Variants in DTD2 observed in about 807,000 individuals in gnomAD.
DTD2 encodes D-aminoacyl-tRNA deacylase 2, also known as D-tyrosyl-tRNA deacylase 2 (putative).
Under a neutral mutation model 15.5 loss-of-function variants are expected in DTD2, and 12 were observed. The observed-to-expected ratio is 0.77, with a 90% CI of 0.50 to 1.25. The LOEUF is 1.25. DTD2 is among the 50% of genes most tolerant of loss of function. The pLI, the probability that DTD2 is intolerant of heterozygous loss-of-function variation, is 0.00. For synonymous variants in DTD2, 59 were observed against 77.3 expected, an observed-to-expected ratio of 0.76 and a Z score of 1.24; for missense variants, 170 against 201.1, an observed-to-expected ratio of 0.85 and a Z score of 0.93.
chr14:31,454,470 G>T (rs2032073485), intron 1 of DTD2, among the ~76,000 whole-genome samples: 1 of 152,198 alleles, frequency 6.6e-6, no homozygotes, highest in Non-Finnish European at 1.5e-5. Flanking sequence ...TCGTGCTACT[G>T]AAACAATAGG....
At chr14:31,451,389 C>T (rs181962635) in intron 2 of DTD2, among the ~76,000 whole-genome samples, 173 of 152,190 alleles carry the variant, frequency 1.1e-3, no homozygotes, top group African/African-American at 4.1e-3. Context: ...ACCTCGTGAT[C>T]TGCCCACCTA....
At chr14:31,456,963 A>G (rs1354865680) in intron 1 of DTD2, 2 of 376,632 alleles carry the variant, frequency 5.3e-6, no homozygotes, top group Non-Finnish European at 9.8e-6. Context: ...CGACCAGCAT[A>G]GACCACGAGC....
chr14:31,457,118 G>T, intron 1 of DTD2, 165 bp downstream of exon 1: 1 of 626,634 alleles, frequency 1.6e-6, no homozygotes. Flanking sequence ...GAAAAGACAA[G>T]CGCAGCCAGG....
Position 31,448,150 on chromosome 14 carries a change from G to C in DTD2, c.486C>G (p.Phe162Leu), listed in dbSNP as rs1191924648. 1 of 1,610,022 alleles carries C rather than the reference G, an allele frequency of 6.2e-7. No homozygotes were observed. Among genetic ancestry groups the C allele is most frequent in the East Asian group, 2.2e-5 (1 of 44,832 alleles). Residue 162 changes from phenylalanine to leucine, a missense_variant, in exon 3 of 3, where the codon TTC (phenylalanine) becomes TTG (leucine). Phe to Leu is a conservative substitution (Grantham distance 22). Transcript: ENST00000310850. ...QVLKLDTNGP[F>L]THLIEF ...ATTTTCAAAACTCAATTAAGTGTGTGAATGGTCCGTTGGTGTCCAGCTTTA... is the reference window on the plus strand; with the variant it reads ...ATTTTCAAAACTCAATTAAGTGTGTCAATGGTCCGTTGGTGTCCAGCTTTA...
intron 2 of DTD2, among the ~76,000 whole-genome samples, chr14:31,448,868 C>CTGCT (rs911812940): frequency 8.4e-4 from 128 of 152,102 alleles, no homozygotes; most frequent in African/African-American, 2.5e-3. Context: ...ACACCAAATT[C>CTGCT]TGCTTGCTTG....
rs2032112670 is a variant in DTD2, at chr14:31,457,467, G to A, written c.-74C>T. The stretch of plus-strand genomic sequence containing the variant: ...GGCCCCTCCCTCGACGCGCTGGCGG[G>A]GCAGACGAGGCGGGGCACGACGAAG... On this transcript the variant is annotated 5_prime_UTR_variant, in exon 1 of 3. Coordinates refer to ENST00000310850, the MANE Select transcript of DTD2 (RefSeq NM_080664.3). 2 of 1,159,230 alleles carry A rather than the reference G, an allele frequency of 1.7e-6. No individual in the cohort carries two copies. Among genetic ancestry groups the A allele is most frequent in the Non-Finnish European group, 2.3e-6 (2 of 856,388 alleles). The allele number at this position is 1,159,230 out of a possible 1,614,324, so 71.8% of individuals were successfully genotyped here.
rs757415854 is a variant in DTD2, at chr14:31,457,372, G to A, written c.22C>T (p.Pro8Ser). The change falls in exon 1 of 3, where the codon CCT becomes TCT. Residue 8 changes from proline to serine, a missense_variant. Physicochemically the swap from Pro to Ser is moderately conservative, Grantham distance 74. Coordinates refer to ENST00000310850, the MANE Select transcript of DTD2 (RefSeq NM_080664.3). ...TGCTGTAGGAGCGCCCGGGCCTGAG[G>A]AATCCGGCTACCCTCAGCCATGGCT... is the stretch of plus-strand genomic sequence containing the variant. MAEGSRI[P>S]QARALLQQCL... is the part of the protein sequence containing the mutation. 2.5e-6 allele frequency: 4 copies of A among 1,568,826 alleles called. No individual in the cohort carries two copies. The highest frequency in any genetic ancestry group is 3.5e-6 in the Non-Finnish European group (4 of 1,157,870).
Position 31,448,050 on chromosome 14 carries a change from A to G in DTD2, c.*79T>C, listed in dbSNP as rs2139358967. ...AAAATGCTGAAGATTAGTATATTCAAGATTAAGGGGAAGAAAATCTAATTA... is the reference window on the plus strand; with the variant it reads ...AAAATGCTGAAGATTAGTATATTCAGGATTAAGGGGAAGAAAATCTAATTA... On this transcript the variant is annotated 3_prime_UTR_variant, in exon 3 of 3. Coordinates refer to ENST00000310850, the MANE Select transcript of DTD2 (RefSeq NM_080664.3). The G allele has an allele frequency of 7.1e-6, 9 of 1,267,702 alleles. No individual in the cohort carries two copies. Among genetic ancestry groups the G allele is most frequent in the East Asian group, 2.3e-5 (1 of 42,870 alleles). The allele number at this position is 1,267,702 out of a possible 1,614,324, so 78.5% of individuals were successfully genotyped here.
Position 31,446,922 on chromosome 14 carries a change from C to G in DTD2, c.*1207G>C, listed in dbSNP as rs1470106274. 1.3e-5 allele frequency: 2 copies of G among 152,096 alleles called. No homozygotes were observed. The highest frequency in any genetic ancestry group is 2.9e-5 in the Non-Finnish European group (2 of 68,016). 9.4% of individuals were successfully genotyped at this position (152,096 alleles called of 1,614,324 possible). A position where few individuals can be genotyped will look rare whatever the true frequency, so the allele number is the denominator to read the frequency against. On this transcript the variant is annotated 3_prime_UTR_variant, in exon 3 of 3. Transcript: ENST00000310850. ...TATGAACTAACACTAATTTCATGAA[C>G]CAGTTCTTTAAAAAGCGAAGACAAA...
In DTD2 at chr14:31,447,068, TTAAAG is replaced by T. The variant is rs1395026530; in HGVS notation, c.*1056_*1060del. 2.0e-5 allele frequency: 3 copies of T among 152,198 alleles called. No homozygotes were observed. The highest frequency in any genetic ancestry group is 7.2e-5 in the African/African-American group (3 of 41,466). 9.4% of individuals were successfully genotyped at this position (152,198 alleles called of 1,614,324 possible). ...TTGTTCTTATATCAAGTAAAGATTC[TTAAAG>T]TAATGTAAAACATTTGAATGTCCCT... On this transcript the variant is annotated 3_prime_UTR_variant, in exon 3 of 3. Coordinates refer to ENST00000310850, the MANE Select transcript of DTD2 (RefSeq NM_080664.3).
chr14:31,453,197 C>T, intron 2 of DTD2, 78 bp downstream of exon 2: 1 of 1,445,080 alleles, frequency 6.9e-7, no homozygotes, highest in South Asian at 1.2e-5. Flanking sequence ...CCTTGGCCTC[C>T]CAACGTGTTG....
At chr14:31,450,346 T>C (rs1039765085) in intron 2 of DTD2, among the ~76,000 whole-genome samples, 2 of 152,200 alleles carry the variant, frequency 1.3e-5, no homozygotes, top group African/African-American at 4.8e-5. Context: ...AAACAGGTTA[T>C]CAATCAAGTA....
At chr14:31,451,147 C>CTTTTT (rs1057016355) in intron 2 of DTD2, among the ~76,000 whole-genome samples, 1 of 129,948 alleles carries the variant, frequency 7.7e-6, no homozygotes, top group East Asian at 2.2e-4. Context: ...ACATTATGTT[C>CTTTTT]TTTTTTTTTT....
Position 31,457,331 on chromosome 14 carries a change from C to T in DTD2, c.63G>A (p.Arg21=). ...CCCCATCGGCTGGGCGAATTTGCAG[C>T]CGGGCGTGCAGGCACTGCTGTAGGA... ...RALLQQCLHA[R]LQIRPADGDV... Residue 21 remains arginine, a synonymous_variant, in exon 1 of 3, where the codon CGG becomes CGA. Transcript: ENST00000310850. The T allele has an allele frequency of 6.3e-7, 1 of 1,595,918 alleles. No individual in the cohort carries two copies. Among genetic ancestry groups the T allele is most frequent in the Non-Finnish European group, 8.5e-7 (1 of 1,172,922 alleles).
At chr14:31,452,970 C>T (rs2032055047) in intron 2 of DTD2, 1 of 175,876 alleles carries the variant, frequency 5.7e-6, no homozygotes, top group African/African-American at 2.5e-5. Flanking sequence ...CAGGGTCTCA[C>T]TCTGTTGCCC....
At chr14:31,452,994 G>T in intron 2 of DTD2, 1 of 229,666 alleles carries the variant, frequency 4.4e-6, no homozygotes, top group Non-Finnish European at 8.4e-6. Context: ...CTGGAGTGCA[G>T]TGGCACCATC....
Position 31,448,473 on chromosome 14 carries a change from C to CA in DTD2, c.182-20dup. ...GTATTAACTGGGTGAGGAAGAAAGGCAAAACATTTTAAAGTGAAAAACAAA... is the reference window on the plus strand; with the variant it reads ...GTATTAACTGGGTGAGGAAGAAAGGCAAAAACATTTTAAAGTGAAAAACAAA... On this transcript the variant is annotated intron_variant, in intron 2 of 2. Transcript: ENST00000310850. 6.4e-7 allele frequency: 1 copy of CA among 1,555,648 alleles called. No individual in the cohort carries two copies. The highest frequency in any genetic ancestry group is 8.7e-7 in the Non-Finnish European group (1 of 1,150,794).
rs373568018 is a variant in DTD2, at chr14:31,448,159, G to T, written c.477C>A (p.Asn159Lys). The T allele has an allele frequency of 1.9e-6, 3 of 1,613,380 alleles. No homozygotes were observed. In the African/African-American group the frequency reaches 4.0e-5, roughly 22 times the overall value. ...ACTCAATTAAGTGTGTGAATGGTCCGTTGGTGTCCAGCTTTAACACCTGCC... is the reference window on the plus strand; with the variant it reads ...ACTCAATTAAGTGTGTGAATGGTCCTTTGGTGTCCAGCTTTAACACCTGCC... Reference protein sequence around the residue: ...GNRQVLKLDTNGPFTHLIEF With the variant: ...GNRQVLKLDTKGPFTHLIEF The change falls in exon 3 of 3, where the codon AAC becomes AAA. Residue 159 changes from asparagine (N) to lysine (K), a missense_variant. Coordinates refer to ENST00000310850, the MANE Select transcript of DTD2 (RefSeq NM_080664.3).
intron 2 of DTD2, 23 bp from the exon 3 acceptor site, chr14:31,448,477 A>C (rs527740933): frequency 6.4e-7 from 1 of 1,555,236 alleles, no homozygotes; most frequent in South Asian, 1.2e-5. Context: ...GAAAGGCAAA[A>C]CATTTTAAAG....
Sources: gnomAD v4.1 joint callset for allele counts (sites outside exome capture counted in the v4.1 genomes callset) on GRCh38, gnomAD v4.1.1 for gene constraint, MANE v1.5 for transcripts, NCBI Gene and HGNC (gene_info 2026-07-23, HGNC 2026-07-21) for gene names.